Variants in ANKHD1 observed in about 807,000 individuals in gnomAD.
The protein encoded by ANKHD1 is ankyrin repeat and KH domain containing 1, also known as ankyrin repeat and KH domain-containing protein 1.
A neutral mutation model predicts 230.5 loss-of-function variants in ANKHD1; 31 were observed. The ratio of observed to expected loss-of-function variants is 0.13; its 90% CI spans 0.10 to 0.18. ANKHD1 has a LOEUF of 0.18. Ranked by LOEUF, ANKHD1 falls within the 10% of genes least tolerant of loss-of-function variation. The pLI is 1.00. For missense variants in ANKHD1, 2,256 were observed against 3,071.3 expected (o/e 0.73, Z 6.27); for synonymous variants, 1,074 against 1,117.6 (o/e 0.96, Z 0.78).
chr5:140,530,673 T>C (rs1753772680), intron 29 of ANKHD1, among the ~76,000 whole-genome samples: 1 of 152,242 alleles, frequency 6.6e-6, no homozygotes, highest in Non-Finnish European at 1.5e-5. Context: ...CTTGGAGATA[T>C]TTGGAGAACC....
chr5:140,440,225 C>T lies in ANKHD1; in HGVS notation c.724C>T (p.Leu242=). 1.9e-6 allele frequency: 3 copies of T among 1,613,134 alleles called. No homozygotes were observed. The highest frequency in any genetic ancestry group is 1.1e-5 in the South Asian group (1 of 90,990). The change falls in exon 4 of 34, where the codon CTG becomes TTG. Residue 242 remains leucine (L), a synonymous_variant. Coordinates refer to ENST00000360839, the MANE Select transcript of ANKHD1 (RefSeq NM_017747.3). The part of the protein sequence containing the change: ...NEHTEEGESL[L]CLACSAGYYE... Reference sequence around the variant, plus strand: ...ACATACAGAAGAAGGAGAAAGCCTGCTGTGTTTGGCTTGTTCAGCAGGGTA... The same window carrying T: ...ACATACAGAAGAAGGAGAAAGCCTGTTGTGTTTGGCTTGTTCAGCAGGGTA...
intron 10 of ANKHD1, among the ~76,000 whole-genome samples, chr5:140,481,777 A>T (rs1175546012): frequency 6.6e-6 from 1 of 152,088 alleles, no homozygotes; most frequent in Non-Finnish European, 1.5e-5. Context: ...CCAGAACAAC[A>T]GAAATTCGTG....
intron 1 of ANKHD1, among the ~76,000 whole-genome samples, chr5:140,426,992 A>C (rs1236364548): frequency 6.6e-6 from 1 of 152,012 alleles, no homozygotes; most frequent in Non-Finnish European, 1.5e-5. Flanking sequence ...TCCACAAAAC[A>C]GCCATTGTCA....
chr5:140,482,628 G>A lies in ANKHD1; in HGVS notation c.1831G>A (p.Ala611Thr). The A allele has an allele frequency of 6.2e-7, 1 of 1,613,132 alleles. No homozygotes were observed. Among genetic ancestry groups the A allele is most frequent in the Non-Finnish European group, 8.5e-7 (1 of 1,179,598 alleles). Residue 611 changes from alanine (A) to threonine (T), a missense_variant, in exon 11 of 34, where the codon GCT becomes ACT. Ala to Thr is a moderately conservative substitution (Grantham distance 58). Transcript: ENST00000360839. ...AACACCTTTGATGAAAGCTGCAAGAGCTGGTCATTTGTGCACTGTGCAGTT... is the reference window on the plus strand; with the variant it reads ...AACACCTTTGATGAAAGCTGCAAGAACTGGTCATTTGTGCACTGTGCAGTT... ...GRTPLMKAARAGHLCTVQFLI... is the reference protein window; with the variant it reads ...GRTPLMKAARTGHLCTVQFLI...
intron 1 of ANKHD1, among the ~76,000 whole-genome samples, chr5:140,411,773 C>G (rs1420860249): frequency 6.6e-6 from 1 of 151,882 alleles, no homozygotes; most frequent in African/African-American, 2.4e-5. Context: ...ATCTGCCCAC[C>G]TCAGCCTCCC....
At chr5:140,437,097 ATTGTT>A (rs1463749680) in intron 2 of ANKHD1, among the ~76,000 whole-genome samples, 1 of 152,188 alleles carries the variant, frequency 6.6e-6, no homozygotes. Flanking sequence ...AACATACATG[ATTGTT>A]ATAAATGAAG....
intron 10 of ANKHD1, among the ~76,000 whole-genome samples, chr5:140,472,959 A>G (rs746251249): frequency 5.3e-5 from 8 of 152,022 alleles, no homozygotes; most frequent in Non-Finnish European, 1.0e-4. Context: ...AATCAGGAGC[A>G]GTTTTTAATT....
chr5:140,473,152 C>T (rs1194591471), intron 10 of ANKHD1, among the ~76,000 whole-genome samples: 4 of 151,758 alleles, frequency 2.6e-5, no homozygotes, highest in Non-Finnish European at 4.4e-5. Flanking sequence ...CCCCAGCCTC[C>T]CAAGTAACTG....
At chr5:140,452,842 C>T (rs1451102917) in intron 7 of ANKHD1, among the ~76,000 whole-genome samples, 1 of 152,216 alleles carries the variant, frequency 6.6e-6, no homozygotes, top group Non-Finnish European at 1.5e-5. Flanking sequence ...CAGCTCCTCA[C>T]CAGCAACGGA....
intron 7 of ANKHD1, 86 bp from the exon 8 acceptor site, chr5:140,458,539 A>T: frequency 2.2e-6 from 3 of 1,389,736 alleles, no homozygotes; most frequent in Non-Finnish European, 1.9e-6. Flanking sequence ...TCCTTTTTCC[A>T]ATCTCTTGCT....
intron 1 of ANKHD1, among the ~76,000 whole-genome samples, chr5:140,432,474 G>T (rs1773121378): frequency 6.6e-6 from 1 of 152,150 alleles, no homozygotes; most frequent in African/African-American, 2.4e-5. Context: ...TTCATCTACT[G>T]ATGGACATTT....
At chr5:140,461,906 T>C (rs955423721) in intron 9 of ANKHD1, among the ~76,000 whole-genome samples, 6 of 152,124 alleles carry the variant, frequency 3.9e-5, no homozygotes, top group African/African-American at 1.4e-4. Flanking sequence ...CTTTTTTGAA[T>C]TAAGATTGAA....
At chr5:140,493,836 G>T (rs1751913684) in intron 14 of ANKHD1, among the ~76,000 whole-genome samples, 1 of 152,128 alleles carries the variant, frequency 6.6e-6, no homozygotes, top group African/African-American at 2.4e-5. Flanking sequence ...TTGTTAACAA[G>T]ATAGACAGGG....
At chr5:140,445,040 T>TA (rs1179143941) in intron 5 of ANKHD1, among the ~76,000 whole-genome samples, 3 of 151,906 alleles carry the variant, frequency 2.0e-5, no homozygotes, top group Admixed American at 2.0e-4. Context: ...TTAGTAGAGA[T>TA]ACTGTGTTGT....
chr5:140,453,166 A>C (rs1561745420), intron 7 of ANKHD1, among the ~76,000 whole-genome samples: 1 of 152,294 alleles, frequency 6.6e-6, no homozygotes, highest in South Asian at 2.1e-4. Context: ...TTGGAGAAAA[A>C]AGGGTAAAAA....
chr5:140,444,626 A>G (rs1341652706), intron 5 of ANKHD1, among the ~76,000 whole-genome samples: 1 of 152,200 alleles, frequency 6.6e-6, no homozygotes, highest in Non-Finnish European at 1.5e-5. Context: ...CCCAGTCCAA[A>G]TGTAGCTGCT....
chr5:140,407,266 G>T (rs1770541904), intron 1 of ANKHD1, among the ~76,000 whole-genome samples: 2 of 134,028 alleles, frequency 1.5e-5, no homozygotes, highest in Non-Finnish European at 3.1e-5. Context: ...CTGCACTCCA[G>T]CCTGGGTGAC....
chr5:140,457,679 G>A (rs1775312704), intron 7 of ANKHD1, among the ~76,000 whole-genome samples: 1 of 152,044 alleles, frequency 6.6e-6, no homozygotes, highest in African/African-American at 2.4e-5. Context: ...ACAGGAAGGG[G>A]AACATCACAC....
intron 10 of ANKHD1, among the ~76,000 whole-genome samples, chr5:140,481,473 C>T (rs1006585729): frequency 2.0e-5 from 3 of 151,972 alleles, no homozygotes; most frequent in African/African-American, 7.2e-5. Context: ...AATGATACTA[C>T]ACTGTCAAGA....
Sources: allele counts gnomAD v4.1 joint callset (sites outside exome capture counted in the v4.1 genomes callset), GRCh38; gene constraint gnomAD v4.1.1; transcripts MANE v1.5; gene names NCBI Gene and HGNC (gene_info 2026-07-23, HGNC 2026-07-21).